TAFA5: variants seen among roughly 807,000 people sequenced by gnomAD.
TAFA5 encodes TAFA chemokine like family member 5, also known as chemokine-like protein TAFA-5.
In TAFA5, 6 loss-of-function variants were observed where a neutral mutation model predicts 15.3. The ratio of observed to expected loss-of-function variants is 0.39; its 90% CI spans 0.21 to 0.77. The LOEUF is 0.77. TAFA5 is among the 30% of genes least tolerant of loss of function. TAFA5 has a pLI of 0.41. For missense variants in TAFA5, 161 were observed against 193.1 expected, an observed-to-expected ratio of 0.83 and a Z score of 0.98; for synonymous variants, 103 against 80.7, an observed-to-expected ratio of 1.28 and a Z score of -1.48.
At chr22:48,702,843 C>T (rs775133138) in intron 2 of TAFA5, among the ~76,000 whole-genome samples, 30 of 152,232 alleles carry the variant, frequency 2.0e-4, no homozygotes, top group Non-Finnish European at 3.4e-4. Context: ...TGCCTCTGAC[C>T]GTCTCCAGCA....
At chr22:48,537,610 G>A (rs1321111737) in intron 1 of TAFA5, among the ~76,000 whole-genome samples, 1 of 152,234 alleles carries the variant, frequency 6.6e-6, no homozygotes, top group Admixed American at 6.5e-5. Context: ...AGGAGCTCCC[G>A]ATGAGTGTCA....
chr22:48,642,960 G>A (rs1346664737), intron 1 of TAFA5, among the ~76,000 whole-genome samples: 1 of 152,168 alleles, frequency 6.6e-6, no homozygotes, highest in African/African-American at 2.4e-5. Flanking sequence ...AGTCCCAGAA[G>A]GAGGTTTTGG....
At chr22:48,584,561 G>A (rs1019280131) in intron 1 of TAFA5, among the ~76,000 whole-genome samples, 1 of 129,458 alleles carries the variant, frequency 7.7e-6, no homozygotes, top group African/African-American at 3.0e-5. Context: ...CACACTACAT[G>A]CCATGCACCA....
chr22:48,652,427 G>A (rs1306371311), intron 2 of TAFA5, among the ~76,000 whole-genome samples: 2 of 152,208 alleles, frequency 1.3e-5, no homozygotes, highest in African/African-American at 4.8e-5. Flanking sequence ...CTTCCCTACA[G>A]TTGTTCATAC....
chr22:48,691,495 G>T (rs562114689), intron 2 of TAFA5, among the ~76,000 whole-genome samples: 1 of 152,260 alleles, frequency 6.6e-6, no homozygotes, highest in Non-Finnish European at 1.5e-5. Context: ...GAGGCAAACT[G>T]GGTTCGCCTG....
chr22:48,615,998 T>C (rs778539713), intron 1 of TAFA5, among the ~76,000 whole-genome samples: 1 of 152,186 alleles, frequency 6.6e-6, no homozygotes, highest in Non-Finnish European at 1.5e-5. Context: ...AACTGGGGCT[T>C]CTAGAATACA....
intron 1 of TAFA5, among the ~76,000 whole-genome samples, chr22:48,603,462 C>G (rs769038948): frequency 6.6e-6 from 1 of 152,228 alleles, no homozygotes; most frequent in Non-Finnish European, 1.5e-5. Context: ...CTCCTTGTGC[C>G]CCTGCCTGCT....
chr22:48,542,693 T>A (rs1481552875), intron 1 of TAFA5, among the ~76,000 whole-genome samples: 1 of 142,118 alleles, frequency 7.0e-6, no homozygotes, highest in Non-Finnish European at 1.5e-5. Context: ...GGTGTATGTG[T>A]GGTGTGTGTG....
intron 1 of TAFA5, among the ~76,000 whole-genome samples, chr22:48,627,932 G>A (rs750921412): frequency 5.9e-5 from 9 of 152,204 alleles, no homozygotes; most frequent in Non-Finnish European, 7.4e-5. Context: ...CAGGTGACCC[G>A]GCAGGCAGGT....
At chr22:48,533,393 G>T (rs1379731939) in intron 1 of TAFA5, among the ~76,000 whole-genome samples, 1 of 152,214 alleles carries the variant, frequency 6.6e-6, no homozygotes, top group African/African-American at 2.4e-5. Context: ...GGTGGCAGGG[G>T]TGGCACAGGG....
chr22:48,694,713 A>G (rs1928648699), intron 2 of TAFA5, among the ~76,000 whole-genome samples: 1 of 151,828 alleles, frequency 6.6e-6, no homozygotes, highest in African/African-American at 2.4e-5. Flanking sequence ...GGGCTGACCT[A>G]CAGGGGGAGG....
At chr22:48,691,091 C>T (rs1020251452) in intron 2 of TAFA5, among the ~76,000 whole-genome samples, 2 of 152,174 alleles carry the variant, frequency 1.3e-5, no homozygotes, top group South Asian at 2.1e-4. Context: ...TCCCTGAGGC[C>T]GCAGCGGCCG....
At chr22:48,494,194 G>T (rs538887814) in intron 1 of TAFA5, among the ~76,000 whole-genome samples, 3 of 152,372 alleles carry the variant, frequency 2.0e-5, no homozygotes, top group African/African-American at 7.2e-5. Flanking sequence ...TTTTATGGGC[G>T]TAATTATGGG....
intron 3 of TAFA5, among the ~76,000 whole-genome samples, chr22:48,741,520 TAC>T (rs1930180788): frequency 6.6e-6 from 1 of 152,102 alleles, no homozygotes; most frequent in African/African-American, 2.4e-5. Context: ...CCCAAATCTA[TAC>T]ATTTAAGCAC....
chr22:48,499,396 C>T lies in TAFA5; in HGVS notation c.112+9692C>T, dbSNP rs543522588. Reference sequence around the variant, plus strand: ...GGAGATTTCTGTGGTGTCTACAGCCCGCATTTCCTAAGTGGATTTCTCCCC... The same window carrying T: ...GGAGATTTCTGTGGTGTCTACAGCCTGCATTTCCTAAGTGGATTTCTCCCC... On this transcript the variant is annotated intron_variant, in intron 1 of 3. Transcript: ENST00000402357. Among the ~76,000 whole-genome samples the T allele has an allele frequency of 5.3e-5, 8 of 152,146 alleles. No individual in the cohort carries two copies. The South Asian group carries it at 6.2e-4, about 12-fold the overall frequency.
intron 3 of TAFA5, among the ~76,000 whole-genome samples, chr22:48,731,299 G>A (rs1929862520): frequency 2.0e-5 from 3 of 152,226 alleles, no homozygotes; most frequent in African/African-American, 7.2e-5. Context: ...AAAGTGCAAG[G>A]TGAAGCAGCA....
chr22:48,640,410 T>G (rs1230957016), intron 1 of TAFA5, among the ~76,000 whole-genome samples: 1 of 152,162 alleles, frequency 6.6e-6, no homozygotes, highest in Non-Finnish European at 1.5e-5. Context: ...GTGCGCCCAG[T>G]GCAGACACAG....
intron 1 of TAFA5, among the ~76,000 whole-genome samples, chr22:48,516,175 C>G (rs1037296366): frequency 6.6e-6 from 1 of 152,168 alleles, no homozygotes; most frequent in Non-Finnish European, 1.5e-5. Context: ...ACTAATTAAA[C>G]CAGATGGCGG....
chr22:48,510,828 C>G (rs565360227), intron 1 of TAFA5, among the ~76,000 whole-genome samples: 2 of 152,400 alleles, frequency 1.3e-5, no homozygotes, highest in South Asian at 4.1e-4. Flanking sequence ...TGACCTTGCC[C>G]AGGCAGGCAG....
Sources: gnomAD v4.1 joint callset for allele counts (sites outside exome capture counted in the v4.1 genomes callset) on GRCh38, gnomAD v4.1.1 for gene constraint, MANE v1.5 for transcripts, NCBI Gene and HGNC (gene_info 2026-07-23, HGNC 2026-07-21) for gene names.